Variants in HSPA4L observed in about 807,000 individuals in gnomAD.
The protein encoded by HSPA4L is heat shock protein family A (Hsp70) member 4 like, also known as heat shock 70 kDa protein 4L.
Under a neutral mutation model 100.3 loss-of-function variants are expected in HSPA4L, and 48 were observed. The ratio of observed to expected loss-of-function variants is 0.48; its 90% CI spans 0.38 to 0.61. The LOEUF is 0.61. HSPA4L is among the 20% of genes least tolerant of loss of function. The probability of loss-of-function intolerance (pLI) is 0.00; values close to 1 mark genes in which losing one functional copy is unlikely to be tolerated. For synonymous variants in HSPA4L, 319 were observed against 328.2 expected, an observed-to-expected ratio of 0.97 and a Z score of 0.30; for missense variants, 886 against 988.6, an observed-to-expected ratio of 0.90 and a Z score of 1.39.
chr4:127,801,964 A>C, intron 6 of HSPA4L, 46 bp downstream of exon 6: 1 of 1,480,088 alleles, frequency 6.8e-7, no homozygotes. Context: ...TTAAGAACAC[A>C]GACTAAAGAA....
intron 16 of HSPA4L, among the ~76,000 whole-genome samples, chr4:127,825,839 T>C (rs745661178): frequency 9.3e-5 from 14 of 150,540 alleles, no homozygotes; most frequent in Non-Finnish European, 2.1e-4. Context: ...GGCAGGAGAA[T>C]CGCTTGAACC....
chr4:127,788,147 C>T (rs1578687391), intron 1 of HSPA4L, among the ~76,000 whole-genome samples: 1 of 151,924 alleles, frequency 6.6e-6, no homozygotes, highest in Non-Finnish European at 1.5e-5. Context: ...TATACCTAAT[C>T]AGCTTTTAAA....
At chr4:127,818,606 C>T (rs190694588) in intron 13 of HSPA4L, among the ~76,000 whole-genome samples, 186 bp downstream of exon 13, 11 of 151,912 alleles carry the variant, frequency 7.2e-5, no homozygotes, top group African/African-American at 2.7e-4. Flanking sequence ...AAAAAGGAAC[C>T]CTAACAACAT....
At chr4:127,817,375 G>A (rs1733695445) in intron 12 of HSPA4L, among the ~76,000 whole-genome samples, 2 of 152,008 alleles carry the variant, frequency 1.3e-5, no homozygotes, top group South Asian at 4.2e-4. Context: ...CTCCTCTTTG[G>A]CAGAAATAAG....
At position 127,834,610 on chromosome 4, in the gene HSPA4L, A is replaced by G. The variant is rs1734163112; in HGVS notation, c.*1736A>G. 6.6e-6 allele frequency: 1 copy of G among 152,202 alleles called. No homozygotes were observed. The highest frequency in any genetic ancestry group is 2.4e-5 in the African/African-American group (1 of 41,464). 9.4% of individuals were successfully genotyped at this position (152,202 alleles called of 1,614,324 possible). ...AAATAGGTATATCCAATAGGTGATG[A>G]AATACATTTTTTACAAACATAGATG... On this transcript the variant is annotated 3_prime_UTR_variant, in exon 19 of 19. Transcript: ENST00000296464.
At chr4:127,787,353 C>T (rs1002653569) in intron 1 of HSPA4L, among the ~76,000 whole-genome samples, 27 of 152,210 alleles carry the variant, frequency 1.8e-4, no homozygotes, top group African/African-American at 6.5e-4. Context: ...CTTTTTACTA[C>T]ATGAGTTGGT....
At position 127,803,729 on chromosome 4, in the gene HSPA4L, A is replaced by T; in HGVS notation, c.764A>T (p.Asn255Ile). The change falls in exon 7 of 19, where the codon AAT becomes ATT. Residue 255 changes from asparagine (N) to isoleucine (I), a missense_variant. Asn to Ile is a moderately radical substitution (Grantham distance 149). Transcript: ENST00000296464. ...CDEFKTKYKI[N>I]VKENSRALLR... ...GAGTTCAAGACCAAATATAAGATAA[A>T]TGTGAAAGAAAACTCTCGGGCCTTG... is the stretch of plus-strand genomic sequence containing the variant. The T allele has an allele frequency of 1.2e-6, 2 of 1,613,976 alleles. No homozygotes were observed. The highest frequency in any genetic ancestry group is 1.7e-6 in the Non-Finnish European group (2 of 1,179,966).
At chr4:127,808,188 T>G in intron 11 of HSPA4L, 59 bp downstream of exon 11, 1 of 1,374,244 alleles carries the variant, frequency 7.3e-7, no homozygotes, top group Non-Finnish European at 1.0e-6. Context: ...TGTGTTATTT[T>G]AGAATCAAGG....
At chr4:127,798,410 A>G (rs1408414417) in intron 3 of HSPA4L, among the ~76,000 whole-genome samples, 177 bp from the exon 4 acceptor site, 5 of 152,204 alleles carry the variant, frequency 3.3e-5, no homozygotes, top group Non-Finnish European at 4.4e-5. Flanking sequence ...GAAATGACAT[A>G]GTCACTGTTT....
intron 11 of HSPA4L, chr4:127,809,298 C>A (rs1733459440): frequency 1.6e-6 from 2 of 1,217,200 alleles, no homozygotes; most frequent in East Asian, 2.3e-5. Context: ...TAGCATTGCA[C>A]TCTCGAGACC....
intron 16 of HSPA4L, among the ~76,000 whole-genome samples, chr4:127,825,434 G>T (rs1733925097): frequency 1.3e-5 from 2 of 152,106 alleles, no homozygotes; most frequent in African/African-American, 4.8e-5. Context: ...TACAACTTGG[G>T]ACAGGCATGA....
intron 1 of HSPA4L, among the ~76,000 whole-genome samples, chr4:127,788,845 T>C (rs1732791506): frequency 6.6e-6 from 1 of 152,208 alleles, no homozygotes; most frequent in South Asian, 2.1e-4. Context: ...GGTAGAGAAA[T>C]CCTGCTCTGT....
At chr4:127,798,347 C>T (rs909146296) in intron 3 of HSPA4L, among the ~76,000 whole-genome samples, 3 of 152,116 alleles carry the variant, frequency 2.0e-5, no homozygotes, top group Admixed American at 6.5e-5. Context: ...GTAGAAACTA[C>T]ACTTTTGAAA....
rs1295866330 is a variant in HSPA4L, at chr4:127,832,771, A to C, written c.2417A>C (p.His806Pro). The change falls in exon 19 of 19, where the codon CAC becomes CCC. Residue 806 changes from histidine (H) to proline (P), a missense_variant. By Grantham distance (77) the His-to-Pro change is moderately conservative (BLOSUM62 -2). Coordinates refer to ENST00000296464, the MANE Select transcript of HSPA4L (RefSeq NM_014278.4). ...PEDKPKANSEHNGPMDGQSGT... is the reference protein window; with the variant it reads ...PEDKPKANSEPNGPMDGQSGT... ...GACAAACCAAAAGCTAATAGTGAAC[A>C]CAATGGCCCAATGGATGGACAGAGT... is the stretch of plus-strand genomic sequence containing the variant. The C allele has an allele frequency of 1.2e-6, 2 of 1,613,772 alleles. No homozygotes were observed.
At position 127,818,364 on chromosome 4, in the gene HSPA4L, T is replaced by C. The variant is rs747937480; in HGVS notation, c.1618T>C (p.Cys540Arg). ...TGATCAAGAAGAAGGGCATCAAAAA[T>C]GTCATGCTGAACACACTCCAGAAGA... is the stretch of plus-strand genomic sequence containing the variant. The part of the protein sequence containing the change: ...QVDQEEGHQK[C>R]HAEHTPEEEI... Residue 540 changes from cysteine to arginine, a missense_variant, in exon 13 of 19, where the codon TGT becomes CGT. Transcript: ENST00000296464. 1 of 1,612,594 alleles carries C rather than the reference T, an allele frequency of 6.2e-7. No individual in the cohort carries two copies. Among genetic ancestry groups the C allele is most frequent in the Non-Finnish European group, 8.5e-7 (1 of 1,179,102 alleles).
intron 8 of HSPA4L, 32 bp from the exon 9 acceptor site, chr4:127,805,041 T>G: frequency 6.8e-7 from 1 of 1,475,880 alleles, no homozygotes; most frequent in Non-Finnish European, 9.3e-7. Flanking sequence ...TTTTAAAGAC[T>G]ATCATTTTTC....
rs1734126395 is a variant in HSPA4L at position 127,833,021 on chromosome 4, T to C, written c.*147T>C. The stretch of plus-strand genomic sequence containing the variant: ...GAGTAGTTTTGAAAAGTGTTTTATA[T>C]TGAGTGCACTTCTGTTCATTTCCAT... On this transcript the variant is annotated 3_prime_UTR_variant, in exon 19 of 19. Coordinates refer to ENST00000296464, the MANE Select transcript of HSPA4L (RefSeq NM_014278.4). The C allele has an allele frequency of 1.9e-6, 1 of 538,216 alleles. No individual in the cohort carries two copies. Among genetic ancestry groups the C allele is most frequent in the Non-Finnish European group, 3.2e-6 (1 of 312,512 alleles). The allele number at this position is 538,216 out of a possible 1,614,324, so 33.3% of individuals were successfully genotyped here.
chr4:127,783,326 GC>G (rs1732619918), intron 1 of HSPA4L, among the ~76,000 whole-genome samples: 2 of 152,070 alleles, frequency 1.3e-5, no homozygotes, highest in Non-Finnish European at 2.9e-5. Context: ...GGAGTCACTG[GC>G]CTTGTGCATT....
chr4:127,795,350 C>G (rs1732988506), intron 2 of HSPA4L, among the ~76,000 whole-genome samples: 2 of 152,048 alleles, frequency 1.3e-5, no homozygotes, highest in South Asian at 4.1e-4. Flanking sequence ...TTTTAAGTGA[C>G]AACATGATGC....
Sources: gnomAD v4.1 joint callset for allele counts (sites outside exome capture counted in the v4.1 genomes callset) on GRCh38, gnomAD v4.1.1 for gene constraint, MANE v1.5 for transcripts, NCBI Gene and HGNC (gene_info 2026-07-23, HGNC 2026-07-21) for gene names.